KCNN2: variants seen among roughly 807,000 people sequenced by gnomAD.
KCNN2 encodes the protein small conductance calcium-activated potassium channel protein 2.
A neutral mutation model predicts 55.5 loss-of-function variants in KCNN2; 24 were observed. The ratio of observed to expected loss-of-function variants is 0.43; its 90% CI spans 0.31 to 0.61. The LOEUF is 0.61. KCNN2 is among the 20% of genes least tolerant of loss of function. The pLI, the probability that KCNN2 is intolerant of heterozygous loss-of-function variation, is 0.08. For missense variants in KCNN2, 754 were observed against 853.6 expected, an observed-to-expected ratio of 0.88 and a Z score of 1.45; for synonymous variants, 431 against 336.1, an observed-to-expected ratio of 1.28 and a Z score of -3.09.
chr5:114,453,975 C>T (rs529494959), intron 3 of KCNN2, among the ~76,000 whole-genome samples: 16 of 152,198 alleles, frequency 1.1e-4, no homozygotes, highest in Middle Eastern at 3.4e-3. Context: ...CCTGTCCTGT[C>T]TCACCACACC....
intron 2 of KCNN2, among the ~76,000 whole-genome samples, chr5:114,267,570 A>C (rs1755235569): frequency 6.6e-6 from 1 of 152,222 alleles, no homozygotes; most frequent in Non-Finnish European, 1.5e-5. Flanking sequence ...AAATATATTT[A>C]GAATCCAGTC....
intron 2 of KCNN2, among the ~76,000 whole-genome samples, chr5:114,325,818 G>T (rs1293954712): frequency 1.3e-5 from 2 of 152,166 alleles, no homozygotes; most frequent in African/African-American, 2.4e-5. Flanking sequence ...CATCTCATCT[G>T]GTTCTGTGAA....
At position 114,214,071 on chromosome 5, in the gene KCNN2, A is replaced by G. The variant is rs368390581; in HGVS notation, c.-270-7409A>G. ...CCAATTTATAGATGAGAAAGCTTAG[A>G]GAAAGTCCTAAATACATAATGTCAG... On this transcript the variant is annotated intron_variant, in intron 1 of 10. Transcript: ENST00000512097. Among the ~76,000 whole-genome samples the G allele has an allele frequency of 3.3e-5, 5 of 152,170 alleles. No homozygotes were observed. The South Asian group carries it at 1.0e-3, about 32-fold the overall frequency.
chr5:114,495,255 T>G (rs1748057471), intron 7 of KCNN2, among the ~76,000 whole-genome samples: 1 of 152,210 alleles, frequency 6.6e-6, no homozygotes, highest in East Asian at 1.9e-4. Flanking sequence ...AGTATCTCCC[T>G]TAACTAATAT....
At chr5:114,407,986 G>C (rs1331306183) in intron 3 of KCNN2, among the ~76,000 whole-genome samples, 5 of 152,152 alleles carry the variant, frequency 3.3e-5, no homozygotes, top group Non-Finnish European at 7.3e-5. Context: ...GTGTCTAACT[G>C]CCTCTATGCC....
intron 1 of KCNN2, among the ~76,000 whole-genome samples, chr5:114,188,064 C>T (rs1323602288): frequency 2.0e-5 from 3 of 152,128 alleles, no homozygotes; most frequent in Non-Finnish European, 2.9e-5. Context: ...CCACCCACCT[C>T]GGCCTACCAA....
chr5:114,335,997 T>G (rs190310628), intron 2 of KCNN2, among the ~76,000 whole-genome samples: 1 of 152,322 alleles, frequency 6.6e-6, no homozygotes, highest in Admixed American at 6.5e-5. Context: ...ACTGTCAAGC[T>G]ACTCCCTGAA....
At chr5:114,384,987 C>T (rs1335360768) in intron 2 of KCNN2, among the ~76,000 whole-genome samples, 1 of 152,156 alleles carries the variant, frequency 6.6e-6, no homozygotes, top group Non-Finnish European at 1.5e-5. Context: ...TCTACATGTA[C>T]AGATCTGTCC....
chr5:114,129,812 C>A (rs977518440), intron 1 of KCNN2, among the ~76,000 whole-genome samples: 1 of 152,182 alleles, frequency 6.6e-6, no homozygotes, highest in Non-Finnish European at 1.5e-5. Flanking sequence ...ATGAAGAATC[C>A]AAAATGGATC....
chr5:114,481,889 G>A (rs1762244604), intron 5 of KCNN2, among the ~76,000 whole-genome samples: 1 of 152,124 alleles, frequency 6.6e-6, no homozygotes, highest in Non-Finnish European at 1.5e-5. Flanking sequence ...TAACCAAGGT[G>A]TATTAAAGAC....
At chr5:114,327,552 C>A (rs940017679) in intron 2 of KCNN2, among the ~76,000 whole-genome samples, 1 of 152,118 alleles carries the variant, frequency 6.6e-6, no homozygotes, top group African/African-American at 2.4e-5. Flanking sequence ...TGAGAAATAA[C>A]TGGCCAGAAA....
At chr5:114,455,166 C>G (rs914339195) in intron 3 of KCNN2, among the ~76,000 whole-genome samples, 5 of 152,148 alleles carry the variant, frequency 3.3e-5, no homozygotes, top group African/African-American at 4.8e-5. Flanking sequence ...TTCACAGATA[C>G]TGCATTTTTT....
chr5:114,117,154 C>T (rs940782223), intron 1 of KCNN2, among the ~76,000 whole-genome samples: 1 of 152,154 alleles, frequency 6.6e-6, no homozygotes, highest in African/African-American at 2.4e-5. Context: ...CTAAGCATAT[C>T]GCCCAAGCTT....
chr5:114,085,887 T>C (rs1751005850), intron 1 of KCNN2, among the ~76,000 whole-genome samples: 2 of 152,134 alleles, frequency 1.3e-5, no homozygotes, highest in South Asian at 4.1e-4. Flanking sequence ...TTCATTTTGC[T>C]TTATATATTT....
rs533706546 is a variant in KCNN2, at chr5:114,091,603, G to A, written c.-271+35103G>A. ...TATATTAGTCCATTTTCATACTGCT[G>A]TAAAGAACTGTTCAAGACTGAGTAA... On this transcript the variant is annotated intron_variant, in intron 1 of 10. Transcript: ENST00000512097. Among the ~76,000 whole-genome samples the A allele has an allele frequency of 1.1e-4, 17 of 152,278 alleles. No individual in the cohort carries two copies. The South Asian group carries it at 2.9e-3, about 26-fold the overall frequency.
chr5:114,333,614 A>G (rs1309636872), intron 2 of KCNN2, among the ~76,000 whole-genome samples: 1 of 152,090 alleles, frequency 6.6e-6, no homozygotes, highest in East Asian at 1.9e-4. Flanking sequence ...TGTTAGTAAA[A>G]AAAAAAAAAT....
At chr5:114,356,030 T>C (rs1239711036) in intron 2 of KCNN2, among the ~76,000 whole-genome samples, 3 of 152,052 alleles carry the variant, frequency 2.0e-5, no homozygotes, top group East Asian at 1.9e-4. Context: ...AGTGAGGAAA[T>C]GTCTGTGAGG....
chr5:114,208,495 C>T (rs1253177387), intron 1 of KCNN2, among the ~76,000 whole-genome samples: 2 of 152,292 alleles, frequency 1.3e-5, no homozygotes, highest in African/African-American at 2.4e-5. Context: ...CTACTTGGCT[C>T]TGTAGTGTAT....
At chr5:114,108,763 A>G (rs968462000) in intron 1 of KCNN2, among the ~76,000 whole-genome samples, 9 of 152,160 alleles carry the variant, frequency 5.9e-5, no homozygotes, top group South Asian at 4.1e-4. Flanking sequence ...TTGTTTATCA[A>G]TTCTGCTATC....
Sources: gnomAD v4.1 joint callset for allele counts (sites outside exome capture counted in the v4.1 genomes callset) on GRCh38, gnomAD v4.1.1 for gene constraint, MANE v1.5 for transcripts, NCBI Gene and HGNC (gene_info 2026-07-23, HGNC 2026-07-21) for gene names.